Variants in NRDC observed in about 807,000 individuals in gnomAD.
NRDC encodes nardilysin.
NRDC carries 54 observed loss-of-function variants against 147.1 expected under a neutral mutation model. That is an observed-to-expected ratio of 0.37 (90% confidence interval 0.29 to 0.46). The LOEUF (loss-of-function observed/expected upper bound fraction) is 0.46, where lower values mean the gene tolerates loss of function less well. NRDC is among the 20% of genes least tolerant of loss of function. NRDC has a pLI of 1.00. For missense variants in NRDC, 1,082 were observed against 1,370.6 expected, an observed-to-expected ratio of 0.79 and a Z score of 3.33; for synonymous variants, 440 against 482.1, an observed-to-expected ratio of 0.91 and a Z score of 1.14.
intron 16 of NRDC, 53 bp from the exon 17 acceptor site, chr1:51,809,454 C>G: frequency 8.6e-7 from 1 of 1,161,626 alleles, no homozygotes; most frequent in South Asian, 1.2e-5. Flanking sequence ...GTTCAACATT[C>G]TCTTAATAAT....
chr1:51,850,687 A>G (rs1235334095), intron 1 of NRDC, among the ~76,000 whole-genome samples: 1 of 152,218 alleles, frequency 6.6e-6, no homozygotes, highest in African/African-American at 2.4e-5. Flanking sequence ...TGTTTTTCAG[A>G]AACCTGAACT....
chr1:51,806,252 G>T (rs1457307827), intron 18 of NRDC, among the ~76,000 whole-genome samples: 1 of 152,156 alleles, frequency 6.6e-6, no homozygotes, highest in South Asian at 2.1e-4. Flanking sequence ...AGTTGGTGGG[G>T]CTTTCACATT....
chr1:51,832,597 A>C (rs1680769600), intron 4 of NRDC, among the ~76,000 whole-genome samples: 1 of 152,156 alleles, frequency 6.6e-6, no homozygotes, highest in African/African-American at 2.4e-5. Flanking sequence ...TCAATCTTGC[A>C]TATATCTAGA....
intron 10 of NRDC, among the ~76,000 whole-genome samples, chr1:51,816,729 T>C (rs890874759): frequency 1.3e-5 from 2 of 152,166 alleles, no homozygotes; most frequent in African/African-American, 4.8e-5. Context: ...GAACCTAATA[T>C]AGGTATGAAT....
intron 25 of NRDC, 101 bp from the exon 26 acceptor site, chr1:51,792,199 C>T: frequency 6.7e-7 from 1 of 1,495,666 alleles, no homozygotes; most frequent in Non-Finnish European, 9.3e-7. Context: ...TCCAGCCTCC[C>T]TTAGTGCCTT....
intron 1 of NRDC, among the ~76,000 whole-genome samples, chr1:51,868,832 C>T (rs537335703): frequency 3.9e-4 from 60 of 152,200 alleles, no homozygotes; most frequent in African/African-American, 1.3e-3. Context: ...GAGATCACAC[C>T]ACTGCACTGC....
At chr1:51,866,731 C>A (rs1409626725) in intron 1 of NRDC, among the ~76,000 whole-genome samples, 1 of 150,796 alleles carries the variant, frequency 6.6e-6, no homozygotes, top group African/African-American at 2.4e-5. Context: ...TAATGTGATA[C>A]CTTTCTATTT....
At chr1:51,852,408 A>C (rs1681998275) in intron 1 of NRDC, among the ~76,000 whole-genome samples, 1 of 149,602 alleles carries the variant, frequency 6.7e-6, no homozygotes, top group African/African-American at 2.5e-5. Flanking sequence ...ATTAAAACTA[A>C]TATTTAGGCC....
At position 51,840,312 on chromosome 1, in the gene NRDC, GTTCATCATCAAACTCATC is replaced by G. The variant is rs777067367; in HGVS notation, c.526_543del (p.Asp176_Glu181del). On this transcript the variant is annotated inframe_deletion, in exon 2 of 31. Coordinates refer to ENST00000352171, the MANE Select transcript of NRDC (RefSeq NM_001101662.2). ...TCCTCAGTATCAAGATCATCATCAT[GTTCATCATCAAACTCATC>G]TTCATCATCAAAACCCTCTTCATCG... 41 of 1,564,506 alleles carry G rather than the reference GTTCATCATCAAACTCATC, an allele frequency of 2.6e-5. 1 individual carries two copies. In the Admixed American group the frequency reaches 3.2e-4, roughly 12 times the overall value.
intron 2 of NRDC, among the ~76,000 whole-genome samples, chr1:51,837,037 C>T (rs1333839027): frequency 6.6e-6 from 1 of 151,430 alleles, no homozygotes; most frequent in African/African-American, 2.4e-5. Context: ...CCACCTCAGC[C>T]TCTCAAAGTG....
chr1:51,794,870 G>T lies in NRDC; in HGVS notation c.2605-16C>A. On this transcript the variant is annotated splice_polypyrimidine_tract_variant and intron_variant, in intron 22 of 30. Transcript: ENST00000352171. Reference sequence around the variant, plus strand: ...CCATAGATTCCTAAGAGGCAAAAGAGAATAACTACATTAAGCTCTCTAGAC... The same window carrying T: ...CCATAGATTCCTAAGAGGCAAAAGATAATAACTACATTAAGCTCTCTAGAC... 4 of 1,613,588 alleles carry T rather than the reference G, an allele frequency of 2.5e-6. No homozygotes were observed. The highest frequency in any genetic ancestry group is 1.1e-5 in the South Asian group (1 of 91,004).
Position 51,791,453 on chromosome 1 carries a change from G to C in NRDC, c.2960+125C>G. On this transcript the variant is annotated intron_variant, in intron 27 of 30. Coordinates refer to ENST00000352171, the MANE Select transcript of NRDC (RefSeq NM_001101662.2). ...ATCTATAACAACCCCCATCTTCCCAGCTTCCACTGACTAAATAGAGCAAAC... is the reference window on the plus strand; with the variant it reads ...ATCTATAACAACCCCCATCTTCCCACCTTCCACTGACTAAATAGAGCAAAC... 5 of 740,574 alleles carry C rather than the reference G, an allele frequency of 6.8e-6. No homozygotes were observed. In the South Asian group the frequency reaches 7.8e-5, roughly 12 times the overall value. 45.9% of individuals were successfully genotyped at this position (740,574 alleles called of 1,614,324 possible).
intron 8 of NRDC, 115 bp downstream of exon 8, chr1:51,821,383 G>T: frequency 1.6e-6 from 1 of 607,834 alleles, no homozygotes; most frequent in Non-Finnish European, 2.9e-6. Flanking sequence ...GTTTGTTTAG[G>T]TCTTAATTCT....
At chr1:51,807,427 G>T (rs1434726408) in intron 17 of NRDC, among the ~76,000 whole-genome samples, 1 of 152,084 alleles carries the variant, frequency 6.6e-6, no homozygotes, top group Non-Finnish European at 1.5e-5. Flanking sequence ...GCTGGATTTG[G>T]TAGGCATGGT....
intron 5 of NRDC, among the ~76,000 whole-genome samples, chr1:51,825,650 T>C (rs1457484570): frequency 1.3e-5 from 2 of 152,230 alleles, no homozygotes; most frequent in Admixed American, 1.3e-4. Flanking sequence ...TCTGAAAGTT[T>C]CAGCTCTAGG....
chr1:51,832,773 G>A (rs1050928028), intron 4 of NRDC, among the ~76,000 whole-genome samples: 2 of 151,954 alleles, frequency 1.3e-5, no homozygotes, highest in African/African-American at 2.4e-5. Flanking sequence ...AAATATATTT[G>A]CAAATATACT....
In NRDC at chr1:51,816,372, T is replaced by C. The variant is rs1204943590; in HGVS notation, c.1379A>G (p.Tyr460Cys). The change falls in exon 11 of 31, where the codon TAT (tyrosine) becomes TGT (cysteine). Residue 460 changes from tyrosine to cysteine, a missense_variant. Transcript: ENST00000352171. ...TTCATGTCCAACCAGCCAGGATATA[T>C]AATGAAGTGGCTTCACCCTTTTAAA... Reference protein sequence around the residue: ...QQHYRVKPLHYISWLVGHEGK... With the variant: ...QQHYRVKPLHCISWLVGHEGK... The C allele has an allele frequency of 1.2e-6, 2 of 1,600,408 alleles. No homozygotes were observed. Among genetic ancestry groups the C allele is most frequent in the Admixed American group, 1.7e-5 (1 of 58,178 alleles).
intron 1 of NRDC, among the ~76,000 whole-genome samples, chr1:51,845,916 T>G (rs1160623294): frequency 1.3e-5 from 2 of 151,720 alleles, no homozygotes; most frequent in South Asian, 2.1e-4. Flanking sequence ...GTACTTAATA[T>G]CTACTTAATG....
intron 1 of NRDC, 124 bp from the exon 2 acceptor site, chr1:51,840,638 A>T: frequency 1.5e-6 from 1 of 656,932 alleles, no homozygotes; most frequent in Non-Finnish European, 2.5e-6. Flanking sequence ...CACACACACA[A>T]CTATTTGTAA....
Sources: gnomAD v4.1 joint callset for allele counts (sites outside exome capture counted in the v4.1 genomes callset) on GRCh38, gnomAD v4.1.1 for gene constraint, MANE v1.5 for transcripts, NCBI Gene and HGNC (gene_info 2026-07-23, HGNC 2026-07-21) for gene names.